PKIB: variants seen among roughly 807,000 people sequenced by gnomAD.
PKIB encodes the protein PKI-beta.
In PKIB, 2 loss-of-function variants were observed where a neutral mutation model predicts 4.5. The ratio of observed to expected loss-of-function variants is 0.44; its 90% CI spans 0.18 to 1.39. The LOEUF (loss-of-function observed/expected upper bound fraction) is 1.39. Among genes scored for constraint, PKIB ranks in the 40% most tolerant of loss-of-function variants. The probability of loss-of-function intolerance (pLI) is 0.27; values close to 1 mark genes in which losing one functional copy is unlikely to be tolerated. For synonymous variants in PKIB, 38 were observed against 36.0 expected, an observed-to-expected ratio of 1.06 and a Z score of -0.20; for missense variants, 94 against 92.6, an observed-to-expected ratio of 1.02 and a Z score of -0.06.
At chr6:122,503,628 G>A (rs1048079903) in intron 2 of PKIB, among the ~76,000 whole-genome samples, 1 of 152,122 alleles carries the variant, frequency 6.6e-6, no homozygotes, top group African/African-American at 2.4e-5. Context: ...AGCCCAGTTA[G>A]TATCCCAAAA....
intron 1 of PKIB, among the ~76,000 whole-genome samples, chr6:122,614,066 T>G (rs1774881029): frequency 6.6e-6 from 1 of 151,436 alleles, no homozygotes; most frequent in African/African-American, 2.4e-5. Context: ...AAGTGGCAAA[T>G]AGCAGTATTA....
chr6:122,570,879 C>T lies in PKIB; in HGVS notation c.-247-15042C>T, dbSNP rs1200658094. Among the ~76,000 whole-genome samples, 6 of 152,146 alleles carry T rather than the reference C, an allele frequency of 3.9e-5. No homozygotes were observed. The East Asian group carries it at 1.2e-3, about 29-fold the overall frequency. On this transcript the variant is annotated intron_variant, in intron 2 of 6. Transcript: ENST00000392491. The stretch of plus-strand genomic sequence containing the variant: ...ACACCCCCAAAAGATCAAACTAACT[C>T]CCCAAAAATTGCTTCAAACCAAGAT...
chr6:122,497,572 C>G (rs1044240030), intron 2 of PKIB, among the ~76,000 whole-genome samples: 2 of 151,986 alleles, frequency 1.3e-5, no homozygotes, highest in Non-Finnish European at 2.9e-5. Context: ...GGTCATTATT[C>G]TTAGACAAAA....
At chr6:122,561,812 T>A (rs1582699398) in intron 2 of PKIB, among the ~76,000 whole-genome samples, 1 of 152,014 alleles carries the variant, frequency 6.6e-6, no homozygotes, top group Admixed American at 6.6e-5. Context: ...AGTCCTTAAG[T>A]ATTAGGTGAG....
chr6:122,590,191 T>C (rs1352548734), intron 3 of PKIB, among the ~76,000 whole-genome samples: 2 of 152,178 alleles, frequency 1.3e-5, no homozygotes, highest in Non-Finnish European at 2.9e-5. Flanking sequence ...AAACATGTCA[T>C]TTTGAAATGA....
intron 2 of PKIB, among the ~76,000 whole-genome samples, chr6:122,542,513 C>T (rs372731161): frequency 1.2e-4 from 19 of 152,174 alleles, no homozygotes; most frequent in South Asian, 4.1e-4. Context: ...TATAGAACTG[C>T]GGTGACTATA....
At chr6:122,567,768 A>G (rs1773237429) in intron 2 of PKIB, among the ~76,000 whole-genome samples, 1 of 152,236 alleles carries the variant, frequency 6.6e-6, no homozygotes, top group African/African-American at 2.4e-5. Flanking sequence ...AAAGTGATAT[A>G]AAATATGTAA....
chr6:122,665,526 G>C (rs1478182628), intron 2 of PKIB, among the ~76,000 whole-genome samples: 1 of 152,074 alleles, frequency 6.6e-6, no homozygotes, highest in Non-Finnish European at 1.5e-5. Context: ...CTAGGATATA[G>C]AAGAATGAAA....
chr6:122,564,916 G>T (rs533273129), intron 2 of PKIB, among the ~76,000 whole-genome samples: 2 of 152,204 alleles, frequency 1.3e-5, no homozygotes, highest in African/African-American at 2.4e-5. Context: ...GCCTTGGGAG[G>T]TATGCAGCTA....
At chr6:122,672,409 A>G (rs898378142) in intron 2 of PKIB, among the ~76,000 whole-genome samples, 1 of 152,214 alleles carries the variant, frequency 6.6e-6, no homozygotes, top group Non-Finnish European at 1.5e-5. Context: ...CTGAATGTGC[A>G]TGTGTTTCTA....
chr6:122,572,347 A>G (rs1773391532), intron 2 of PKIB, among the ~76,000 whole-genome samples: 1 of 152,260 alleles, frequency 6.6e-6, no homozygotes, highest in South Asian at 2.1e-4. Context: ...ATACAAATAC[A>G]TGGAAATTAA....
intron 2 of PKIB, among the ~76,000 whole-genome samples, chr6:122,575,823 G>C (rs918080962): frequency 6.6e-6 from 1 of 152,140 alleles, no homozygotes; most frequent in African/African-American, 2.4e-5. Flanking sequence ...CTGCTTGGGT[G>C]ACAAGTGCAC....
intron 3 of PKIB, among the ~76,000 whole-genome samples, chr6:122,694,223 G>A (rs1778468641): frequency 6.6e-6 from 1 of 150,488 alleles, no homozygotes; most frequent in Admixed American, 6.6e-5. Flanking sequence ...CAAACTGTGT[G>A]ACCACAGTTA....
At chr6:122,572,248 A>G (rs925160170) in intron 2 of PKIB, among the ~76,000 whole-genome samples, 10 of 152,170 alleles carry the variant, frequency 6.6e-5, no homozygotes, top group African/African-American at 2.4e-4. Context: ...AAGATATTAC[A>G]ATCCTAAATT....
chr6:122,540,080 T>C (rs1168850520), intron 2 of PKIB, among the ~76,000 whole-genome samples: 1 of 152,084 alleles, frequency 6.6e-6, no homozygotes. Context: ...TTTTATTCTT[T>C]ATTAGTCTTG....
At chr6:122,566,373 A>C (rs916461053) in intron 2 of PKIB, among the ~76,000 whole-genome samples, 1 of 152,132 alleles carries the variant, frequency 6.6e-6, no homozygotes, top group Non-Finnish European at 1.5e-5. Context: ...TAAAATAAGG[A>C]CATTAATACT....
At chr6:122,511,145 G>A (rs944533178) in intron 2 of PKIB, among the ~76,000 whole-genome samples, 11 of 152,190 alleles carry the variant, frequency 7.2e-5, no homozygotes, top group African/African-American at 2.7e-4. Context: ...AGTGCTGCAT[G>A]CAGCAATGAC....
chr6:122,628,377 T>C (rs1562276487), intron 1 of PKIB, among the ~76,000 whole-genome samples: 1 of 152,226 alleles, frequency 6.6e-6, no homozygotes. Context: ...ATTTGCCATG[T>C]CTTATGATTA....
At chr6:122,686,768 T>G (rs1778107925) in intron 3 of PKIB, among the ~76,000 whole-genome samples, 2 of 152,094 alleles carry the variant, frequency 1.3e-5, no homozygotes, top group African/African-American at 2.4e-5. Context: ...GGATTACAGG[T>G]GTGAGGCACC....
Sources: allele counts gnomAD v4.1 joint callset (sites outside exome capture counted in the v4.1 genomes callset), GRCh38; gene constraint gnomAD v4.1.1; transcripts MANE v1.5; gene names NCBI Gene and HGNC (gene_info 2026-07-23, HGNC 2026-07-21).